Variants in PYGO1 observed in about 807,000 individuals in gnomAD.
PYGO1 encodes the protein pygopus homolog 1.
Under a neutral mutation model 29.5 loss-of-function variants are expected in PYGO1, and 6 were observed. The ratio of observed to expected loss-of-function variants is 0.20; its 90% confidence interval spans 0.11 to 0.40. PYGO1 has a LOEUF of 0.40. Ranked by LOEUF, PYGO1 falls within the 10% of genes least tolerant of loss-of-function variation. PYGO1 has a pLI of 1.00. For missense variants in PYGO1, 515 were observed against 514.9 expected, an observed-to-expected ratio of 1.00 and a Z score of 0.00; for synonymous variants, 186 against 180.5, an observed-to-expected ratio of 1.03 and a Z score of -0.24.
At chr15:55,569,721 T>G (rs1321510311) in intron 1 of PYGO1, among the ~76,000 whole-genome samples, 4 of 152,216 alleles carry the variant, frequency 2.6e-5, no homozygotes, top group Non-Finnish European at 2.9e-5. Context: ...AAGCATGTGG[T>G]CAATCTTAGA....
intron 1 of PYGO1, among the ~76,000 whole-genome samples, chr15:55,574,155 C>A (rs1354822982): frequency 6.6e-6 from 1 of 152,024 alleles, no homozygotes; most frequent in Non-Finnish European, 1.5e-5. Flanking sequence ...ATGTGAGAAC[C>A]AAAAGATACT....
rs2058847277 is a variant in PYGO1, at chr15:55,545,872, A to T, written c.*151T>A. The T allele has an allele frequency of 3.8e-6, 3 of 789,252 alleles. No homozygotes were observed. Among genetic ancestry groups the T allele is most frequent in the South Asian group, 4.8e-5 (2 of 41,440 alleles). The allele number at this position is 789,252 out of a possible 1,614,324, so 48.9% of individuals were successfully genotyped here. On this transcript the variant is annotated 3_prime_UTR_variant, in exon 3 of 3. Coordinates refer to ENST00000563719, the MANE Select transcript of PYGO1 (RefSeq NM_001367806.1). ...AGACAGCAAGCAAAGACAATAAAAA[A>T]TTTGCTCTAGTGATGAAGTGATTAA...
At chr15:55,578,856 A>G (rs1192071232) in intron 1 of PYGO1, among the ~76,000 whole-genome samples, 1 of 152,126 alleles carries the variant, frequency 6.6e-6, no homozygotes, top group Non-Finnish European at 1.5e-5. Context: ...ATGAAGTCCA[A>G]TTTATCTATT....
intron 1 of PYGO1, among the ~76,000 whole-genome samples, chr15:55,555,813 C>CAAAAT (rs2058902303): frequency 6.6e-6 from 1 of 151,220 alleles, no homozygotes; most frequent in Non-Finnish European, 1.5e-5. Flanking sequence ...CACATAGGCT[C>CAAAAT]AAAATAAAAG....
At position 55,587,932 on chromosome 15, in the gene PYGO1, C is replaced by T; in HGVS notation, c.-49G>A. 6.9e-7 allele frequency: 1 copy of T among 1,457,300 alleles called. No individual in the cohort carries two copies. The highest frequency in any genetic ancestry group is 1.3e-5 in the South Asian group (1 of 76,618). 90.3% of individuals were successfully genotyped at this position (1,457,300 alleles called of 1,614,324 possible). A position where few individuals can be genotyped will look rare whatever the true frequency, so the allele number is the denominator to read the frequency against. On this transcript the variant is annotated 5_prime_UTR_variant, in exon 1 of 3. Transcript: ENST00000563719. ...CCCCCAGGCCGCGGGAATTCGGTCT[C>T]TTTGATGCTGCGGCGGCGGCTCCTC... is the stretch of plus-strand genomic sequence containing the variant.
At position 55,588,255 on chromosome 15, in the gene PYGO1, G is replaced by A. The variant is rs1175053305; in HGVS notation, c.-372C>T. 6.7e-6 allele frequency among the ~76,000 whole-genome samples: 1 copy of A among 149,110 alleles called. No homozygotes were observed. Among genetic ancestry groups the A allele is most frequent in the Non-Finnish European group, 1.5e-5 (1 of 67,002 alleles). On this transcript the variant is annotated 5_prime_UTR_variant, in exon 1 of 3. Transcript: ENST00000563719. ...GCCTCAGGAGCCGCTGACAGGGGAA[G>A]CAGGAGGCTCGCGGCCCGGCCCTGG... is the stretch of plus-strand genomic sequence containing the variant.
Position 55,548,927 on chromosome 15 carries a change from G to A in PYGO1, c.118C>T (p.Arg40Cys), listed in dbSNP as rs147959519. 1.1e-4 allele frequency: 184 copies of A among 1,611,074 alleles called. No homozygotes were observed. The highest frequency in any genetic ancestry group is 3.8e-4 in the East Asian group (17 of 44,676). Residue 40 changes from arginine to cysteine, a missense_variant, in exon 2 of 3, where the codon CGC becomes TGC. Arg to Cys is a radical substitution (Grantham distance 180). Coordinates refer to ENST00000563719, the MANE Select transcript of PYGO1 (RefSeq NM_001367806.1). Reference protein sequence around the residue: ...VQLGSPDKKKRKANTQGPSFP... With the variant: ...VQLGSPDKKKCKANTQGPSFP... ...CAGTTTACCTGTGTATTTGCCTTGC[G>A]CTTTTTCTTATCTGGGCTTCCTAGT...
chr15:55,558,195 T>C (rs1332642126), intron 1 of PYGO1, among the ~76,000 whole-genome samples: 1 of 152,174 alleles, frequency 6.6e-6, no homozygotes, highest in Non-Finnish European at 1.5e-5. Context: ...AGCATTCTTA[T>C]ACACCAATAA....
intron 1 of PYGO1, among the ~76,000 whole-genome samples, chr15:55,576,227 C>T (rs1276034696): frequency 1.3e-5 from 2 of 150,608 alleles, no homozygotes; most frequent in Admixed American, 6.6e-5. Context: ...GAGGCCGAGG[C>T]GGGCGGATCA....
chr15:55,555,986 G>A (rs1397167388), intron 1 of PYGO1, among the ~76,000 whole-genome samples: 1 of 151,662 alleles, frequency 6.6e-6, no homozygotes, highest in Admixed American at 6.6e-5. Context: ...CCCAACACAG[G>A]AGCACCCAGA....
rs60949037 is a variant in PYGO1 at position 55,545,934 on chromosome 15, T to TA, written c.*88dup. The TA allele has an allele frequency of 2.2e-6, 3 of 1,381,684 alleles. No homozygotes were observed. Among genetic ancestry groups the TA allele is most frequent in the Non-Finnish European group, 2.9e-6 (3 of 1,020,276 alleles). The allele number at this position is 1,381,684 out of a possible 1,614,324, so 85.6% of individuals were successfully genotyped here. A position where few individuals can be genotyped will look rare whatever the true frequency, so the allele number is the denominator to read the frequency against. ...TAAATAATGTTTTTGTGTATGCATTTAAAAAAATAATGTAAAACATTAAAA... is the reference window on the plus strand; with the variant it reads ...TAAATAATGTTTTTGTGTATGCATTTAAAAAAAATAATGTAAAACATTAAAA... On this transcript the variant is annotated 3_prime_UTR_variant, in exon 3 of 3. Coordinates refer to ENST00000563719, the MANE Select transcript of PYGO1 (RefSeq NM_001367806.1).
intron 1 of PYGO1, among the ~76,000 whole-genome samples, chr15:55,565,964 T>C (rs1363741449): frequency 2.0e-5 from 3 of 152,152 alleles, no homozygotes; most frequent in Non-Finnish European, 2.9e-5. Flanking sequence ...GTATTTTTAG[T>C]AGAGACAGCG....
intron 1 of PYGO1, among the ~76,000 whole-genome samples, chr15:55,584,131 G>C (rs2059036869): frequency 6.7e-6 from 1 of 148,240 alleles, no homozygotes; most frequent in Non-Finnish European, 1.5e-5. Flanking sequence ...TTTTTGGTGG[G>C]GGCAGATAGG....
Position 55,544,019 on chromosome 15 carries a change from T to C in PYGO1, c.*2004A>G, listed in dbSNP as rs2058839006. 6.6e-6 allele frequency: 1 copy of C among 152,178 alleles called. No individual in the cohort carries two copies. 9.4% of individuals were successfully genotyped at this position (152,178 alleles called of 1,614,324 possible). On this transcript the variant is annotated 3_prime_UTR_variant, in exon 3 of 3. Transcript: ENST00000563719. ...TTTAACCTGCTTCAACTGGTAAAGTTTTCACACAAAGGAGTACCTAGAAGT... is the reference window on the plus strand; with the variant it reads ...TTTAACCTGCTTCAACTGGTAAAGTCTTCACACAAAGGAGTACCTAGAAGT...
In PYGO1 at chr15:55,575,953, C is replaced by CT. The variant is rs1264848965; in HGVS notation, c.49+11881dup. Among the ~76,000 whole-genome samples, 30 of 152,194 alleles carry CT rather than the reference C, an allele frequency of 2.0e-4. 1 individual carries two copies. Among genetic ancestry groups the CT allele is most frequent in the Admixed American group, 1.5e-3 (23 of 15,286 alleles). Reference sequence around the variant, plus strand: ...TGTTCCACAGCCTTAGGAATGGCAGCTAGTTCTCACAGTTGCTATCTCTGT... The same window carrying CT: ...TGTTCCACAGCCTTAGGAATGGCAGCTTAGTTCTCACAGTTGCTATCTCTGT... On this transcript the variant is annotated intron_variant, in intron 1 of 2. Transcript: ENST00000563719.
intron 1 of PYGO1, among the ~76,000 whole-genome samples, chr15:55,550,480 C>T (rs189821411): frequency 8.7e-4 from 132 of 152,266 alleles, no homozygotes; most frequent in African/African-American, 2.9e-3. Context: ...CCCAAACCAG[C>T]TTCAACATGT....
intron 1 of PYGO1, among the ~76,000 whole-genome samples, chr15:55,573,757 G>A (rs2058989704): frequency 6.6e-6 from 1 of 152,128 alleles, no homozygotes; most frequent in Non-Finnish European, 1.5e-5. Flanking sequence ...GGCTACTGTT[G>A]ACTGGAAGCC....
intron 2 of PYGO1, 112 bp from the exon 3 acceptor site, chr15:55,547,259 G>A: frequency 2.3e-6 from 2 of 882,396 alleles, no homozygotes; most frequent in Non-Finnish European, 3.2e-6. Context: ...CTCTTGCAGT[G>A]TTAACAAACA....
At chr15:55,577,068 C>T (rs2059006102) in intron 1 of PYGO1, among the ~76,000 whole-genome samples, 2 of 151,884 alleles carry the variant, frequency 1.3e-5, no homozygotes, top group African/African-American at 4.8e-5. Context: ...TGTTGAATTT[C>T]ACCCTGCCAA....
Sources: allele counts gnomAD v4.1 joint callset (sites outside exome capture counted in the v4.1 genomes callset), GRCh38; gene constraint gnomAD v4.1.1; transcripts MANE v1.5; gene names NCBI Gene and HGNC (gene_info 2026-07-23, HGNC 2026-07-21).